Variants in HUS1B observed in about 807,000 individuals in gnomAD.
HUS1B encodes the protein checkpoint protein HUS1B.
For missense variants in HUS1B, 475 were observed against 390.4 expected (o/e 1.22, Z -1.83); for synonymous variants, 207 against 176.2 (o/e 1.17, Z -1.38).
rs749051985 is a variant in HUS1B, at chr6:656,982, G to C, written c.-38C>G. Reference sequence around the variant, plus strand: ...AAGGCAGCTGGGGGCCTCTGAGGGGGATTCCGCGTGCCACAAGCCCTTCCG... The same window carrying C: ...AAGGCAGCTGGGGGCCTCTGAGGGGCATTCCGCGTGCCACAAGCCCTTCCG... On this transcript the variant is annotated 5_prime_UTR_variant, in exon 1 of 1. In the 5' UTR this introduces an upstream ATG that the reference lacks. Coordinates refer to ENST00000380907, the MANE Select transcript of HUS1B (RefSeq NM_148959.4). The C allele has an allele frequency of 4.8e-6, 7 of 1,470,138 alleles. No individual in the cohort carries two copies. The highest frequency in any genetic ancestry group is 6.4e-6 in the Non-Finnish European group (7 of 1,096,434). 91.1% of individuals were successfully genotyped at this position (1,470,138 alleles called of 1,614,324 possible).
In HUS1B at chr6:656,289, T is replaced by C; in HGVS notation, c.656A>G (p.Glu219Gly). ...CACCATGCTCTCCAGGTCTCTGTTTTCAGGCACACCCACAGCCGACTGGGG... is the reference window on the plus strand; with the variant it reads ...CACCATGCTCTCCAGGTCTCTGTTTCCAGGCACACCCACAGCCGACTGGGG... ...NPPQSAVGVPENRDLESMVQV... is the reference protein window; with the variant it reads ...NPPQSAVGVPGNRDLESMVQV... Residue 219 changes from glutamate to glycine, a missense_variant, in exon 1 of 1, where the codon GAA (glutamate) becomes GGA (glycine). By Grantham distance (98) the Glu-to-Gly change is moderately conservative. Transcript: ENST00000380907. 2 of 1,614,230 alleles carry C rather than the reference T, an allele frequency of 1.2e-6. No individual in the cohort carries two copies. Among genetic ancestry groups the C allele is most frequent in the Non-Finnish European group, 1.7e-6 (2 of 1,180,042 alleles).
At position 656,892 on chromosome 6, in the gene HUS1B, T is replaced by A. The variant is rs201311004; in HGVS notation, c.53A>T (p.His18Leu). The change falls in exon 1 of 1, where the codon CAC (histidine) becomes CTC (leucine). Residue 18 changes from histidine (H) to leucine (L), a missense_variant. His to Leu is a moderately conservative substitution (Grantham distance 99). Transcript: ENST00000380907. ...TAGCCTCGCGACGGTGCCGCTGACG[T>A]GAATGAACAGCTCTAGACAGCCTTT... ...TGKGCLELFIHVSGTVARLAK... is the reference protein window; with the variant it reads ...TGKGCLELFILVSGTVARLAK... 2.8e-5 allele frequency: 45 copies of A among 1,596,518 alleles called. No individual in the cohort carries two copies. In the African/African-American group the frequency reaches 5.9e-4, roughly 21 times the overall value.
rs1286410339 is a variant in HUS1B at position 656,708 on chromosome 6, G to A, written c.237C>T (p.His79=). The A allele has an allele frequency of 1.9e-6, 3 of 1,603,484 alleles. No homozygotes were observed. The highest frequency in any genetic ancestry group is 2.2e-5 in the South Asian group (2 of 89,970). Residue 79 remains histidine (H), a synonymous_variant, in exon 1 of 1, where the codon CAC becomes CAT. Transcript: ENST00000380907. ...EGVSEDLDEI[H]LELTAEHLSR... is the part of the protein sequence containing the mutation. ...ACAGGTGCTCCGCCGTCAGCTCCAG[G>A]TGGATCTCATCGAGATCTTCCGAGA... is the stretch of plus-strand genomic sequence containing the variant.
rs1438331665 is a variant in HUS1B at position 656,860 on chromosome 6, C to A, written c.85G>T (p.Val29Phe). The A allele has an allele frequency of 6.2e-7, 1 of 1,608,952 alleles. No individual in the cohort carries two copies. The highest frequency in any genetic ancestry group is 1.7e-5 in the Admixed American group (1 of 59,780). Residue 29 changes from valine (V) to phenylalanine (F), a missense_variant, in exon 1 of 1, where the codon GTC becomes TTC. Physicochemically the swap from Val to Phe is conservative, Grantham distance 50 (BLOSUM62 -1). Transcript: ENST00000380907. ...VSGTVARLAK[V>F]CVLRVRPDSL... ...TCAGGGCGCACGCGGAGCACGCAGA[C>A]CTTCGCTAGCCTCGCGACGGTGCCG... is the stretch of plus-strand genomic sequence containing the variant.
rs767205613 is a variant in HUS1B at position 656,660 on chromosome 6, C to T, written c.285G>A (p.Ala95=). The T allele has an allele frequency of 1.9e-6, 3 of 1,607,184 alleles. No homozygotes were observed. Among genetic ancestry groups the T allele is most frequent in the South Asian group, 1.1e-5 (1 of 90,364 alleles). The change falls in exon 1 of 1, where the codon GCG becomes GCA. Residue 95 remains alanine (A), a synonymous_variant. Coordinates refer to ENST00000380907, the MANE Select transcript of HUS1B (RefSeq NM_148959.4). The part of the protein sequence containing the change: ...EHLSRAARSA[A]GASSLKLQLT... ...GCTGCAGCTTCAGGGAGGACGCGCC[C>T]GCTGCGCTTCTCGCCGCCCGGGACA...
Position 656,061 on chromosome 6 carries a change from T to C in HUS1B, c.*47A>G. On this transcript the variant is annotated 3_prime_UTR_variant, in exon 1 of 1. Coordinates refer to ENST00000380907, the MANE Select transcript of HUS1B (RefSeq NM_148959.4). Reference sequence around the variant, plus strand: ...AATTAACTCAGGGTCTGTTTTAGTTTTGAAAAGATCAAAACCTTAAAAAAA... The same window carrying C: ...AATTAACTCAGGGTCTGTTTTAGTTCTGAAAAGATCAAAACCTTAAAAAAA... 1.4e-6 allele frequency: 2 copies of C among 1,427,572 alleles called. No individual in the cohort carries two copies. The allele number at this position is 1,427,572 out of a possible 1,614,324, so 88.4% of individuals were successfully genotyped here.
In HUS1B at chr6:656,341, T is replaced by G; in HGVS notation, c.604A>C (p.Ser202Arg). The G allele has an allele frequency of 1.2e-6, 2 of 1,614,196 alleles. No individual in the cohort carries two copies. Among genetic ancestry groups the G allele is most frequent in the Non-Finnish European group, 1.7e-6 (2 of 1,180,030 alleles). The change falls in exon 1 of 1, where the codon AGT becomes CGT. Residue 202 changes from serine to arginine, a missense_variant. By Grantham distance (110) the Ser-to-Arg change is moderately radical. Transcript: ENST00000380907. ...SIETEVVSIQ[S>R]YFKNLGNPPQ... ...GGGTTTCCAAGATTTTTAAAATAAC[T>G]TTGAATGGACACCACCTCCGTCTCT...
chr6:656,756 G>A lies in HUS1B; in HGVS notation c.189C>T (p.Phe63=). The change falls in exon 1 of 1, where the codon TTC becomes TTT. Residue 63 remains phenylalanine, a synonymous_variant. Transcript: ENST00000380907. ...RLWCEVRQGA[F]QQFRMEGVSE... Reference sequence around the variant, plus strand: ...AGACACCTTCCATGCGAAACTGCTGGAAGGCCCCCTGCCGCACCTCGCACC... The same window carrying A: ...AGACACCTTCCATGCGAAACTGCTGAAAGGCCCCCTGCCGCACCTCGCACC... 6.3e-7 allele frequency: 1 copy of A among 1,589,918 alleles called. No individual in the cohort carries two copies. Among genetic ancestry groups the A allele is most frequent in the Non-Finnish European group, 8.6e-7 (1 of 1,165,596 alleles).
chr6:656,770 G>C lies in HUS1B; in HGVS notation c.175C>G (p.Arg59Gly), dbSNP rs867882133. 6.3e-7 allele frequency: 1 copy of C among 1,592,518 alleles called. No homozygotes were observed. The highest frequency in any genetic ancestry group is 2.3e-5 in the East Asian group (1 of 44,024). The change falls in exon 1 of 1, where the codon CGG becomes GGG. Residue 59 changes from arginine (R) to glycine (G), a missense_variant. Physicochemically the swap from Arg to Gly is moderately radical, Grantham distance 125. Transcript: ENST00000380907. ...LHEARLWCEV[R>G]QGAFQQFRME... Reference sequence around the variant, plus strand: ...CGAAACTGCTGGAAGGCCCCCTGCCGCACCTCGCACCACAGCCTGGCCTCG... The same window carrying C: ...CGAAACTGCTGGAAGGCCCCCTGCCCCACCTCGCACCACAGCCTGGCCTCG...
chr6:656,845 C>A lies in HUS1B; in HGVS notation c.100G>T (p.Val34Leu), dbSNP rs753225884. ...CCGAAGCACAGGCTGTCAGGGCGCA[C>A]GCGGAGCACGCAGACCTTCGCTAGC... ...ARLAKVCVLR[V>L]RPDSLCFGPA... is the part of the protein sequence containing the mutation. The change falls in exon 1 of 1, where the codon GTG (valine) becomes TTG (leucine). Residue 34 changes from valine to leucine, a missense_variant. Physicochemically the swap from Val to Leu is conservative, Grantham distance 32. Transcript: ENST00000380907. The A allele has an allele frequency of 1.2e-6, 2 of 1,610,574 alleles. No homozygotes were observed.
chr6:656,166 A>C lies in HUS1B; in HGVS notation c.779T>G (p.Leu260Arg). The C allele has an allele frequency of 1.2e-6, 2 of 1,614,144 alleles. No individual in the cohort carries two copies. Among genetic ancestry groups the C allele is most frequent in the African/African-American group, 1.3e-5 (1 of 75,046 alleles). ...ATCTTCTTGAACCAAAACAAGCTGA[A>C]GAAGAGTATTGTCCCAAATATTGCA... ...ALCNIWDNTL[L>R]QLVLVQEDVS... Residue 260 changes from leucine (L) to arginine (R), a missense_variant, in exon 1 of 1, where the codon CTT becomes CGT. Leu to Arg is a moderately radical substitution (Grantham distance 102). Coordinates refer to ENST00000380907, the MANE Select transcript of HUS1B (RefSeq NM_148959.4).
Position 656,032 on chromosome 6 carries a change from A to T in HUS1B, c.*76T>A. The stretch of plus-strand genomic sequence containing the variant: ...AAGTCAGTGAAGGTCCAAATTTTCA[A>T]CCCAATTAACTCAGGGTCTGTTTTA... On this transcript the variant is annotated 3_prime_UTR_variant, in exon 1 of 1. Coordinates refer to ENST00000380907, the MANE Select transcript of HUS1B (RefSeq NM_148959.4). The T allele has an allele frequency of 8.9e-7, 1 of 1,120,656 alleles. No homozygotes were observed. Among genetic ancestry groups the T allele is most frequent in the Non-Finnish European group, 1.3e-6 (1 of 769,184 alleles). The allele number at this position is 1,120,656 out of a possible 1,614,324, so 69.4% of individuals were successfully genotyped here.
rs372893836 is a variant in HUS1B, at chr6:656,517, C to T, written c.428G>A (p.Arg143Gln). The change falls in exon 1 of 1, where the codon CGG becomes CAG. Residue 143 changes from arginine to glutamine, a missense_variant. Transcript: ENST00000380907. ...PVRVLPRRVWRDCLPPSLRAS... is the reference protein window; with the variant it reads ...PVRVLPRRVWQDCLPPSLRAS... Reference sequence around the variant, plus strand: ...GCGCAGGCTGGGCGGCAGGCAGTCCCGCCACACTCTCCTGGGAAGCACCCG... The same window carrying T: ...GCGCAGGCTGGGCGGCAGGCAGTCCTGCCACACTCTCCTGGGAAGCACCCG... 8 of 1,605,522 alleles carry T rather than the reference C, an allele frequency of 5.0e-6. No individual in the cohort carries two copies. Among genetic ancestry groups the T allele is most frequent in the Non-Finnish European group, 5.9e-6 (7 of 1,177,986 alleles).
At position 656,363 on chromosome 6, in the gene HUS1B, C is replaced by T. The variant is rs1306851498; in HGVS notation, c.582G>A (p.Glu194=). 1 of 1,614,214 alleles carries T rather than the reference C, an allele frequency of 6.2e-7. No individual in the cohort carries two copies. Among genetic ancestry groups the T allele is most frequent in the Non-Finnish European group, 8.5e-7 (1 of 1,180,032 alleles). Residue 194 remains glutamate (E), a synonymous_variant, in exon 1 of 1, where the codon GAG becomes GAA. Coordinates refer to ENST00000380907, the MANE Select transcript of HUS1B (RefSeq NM_148959.4). ...AACTTTGAATGGACACCACCTCCGTCTCTATACTCAGGGTCATCCTGCCAC... is the reference window on the plus strand; with the variant it reads ...AACTTTGAATGGACACCACCTCCGTTTCTATACTCAGGGTCATCCTGCCAC... ...NLSGRMTLSI[E]TEVVSIQSYF...
chr6:656,770 G>A lies in HUS1B; in HGVS notation c.175C>T (p.Arg59Trp), dbSNP rs867882133. ...LHEARLWCEV[R>W]QGAFQQFRME... ...CGAAACTGCTGGAAGGCCCCCTGCC[G>A]CACCTCGCACCACAGCCTGGCCTCG... The change falls in exon 1 of 1, where the codon CGG (arginine) becomes TGG (tryptophan). Residue 59 changes from arginine to tryptophan, a missense_variant. By Grantham distance (101) the Arg-to-Trp change is moderately radical (BLOSUM62 -3). Transcript: ENST00000380907. The A allele has an allele frequency of 3.1e-6, 5 of 1,592,518 alleles. No homozygotes were observed. Among genetic ancestry groups the A allele is most frequent in the Admixed American group, 1.7e-5 (1 of 57,706 alleles).
rs910384721 is a variant in HUS1B, at chr6:656,574, C to G, written c.371G>C (p.Arg124Pro). The G allele has an allele frequency of 6.3e-7, 1 of 1,591,410 alleles. No individual in the cohort carries two copies. The highest frequency in any genetic ancestry group is 1.1e-5 in the South Asian group (1 of 88,372). ...VAVELVSSLGRARSVVHDLPV... is the reference protein window; with the variant it reads ...VAVELVSSLGPARSVVHDLPV... ...CAGATCGTGCACCACGCTGCGAGCG[C>G]GGCCCAGGGACGAGACCAGCTCCAC... The change falls in exon 1 of 1, where the codon CGC becomes CCC. Residue 124 changes from arginine (R) to proline (P), a missense_variant. Transcript: ENST00000380907.
In HUS1B at chr6:656,954, G is replaced by T; in HGVS notation, c.-10C>A. The T allele has an allele frequency of 1.3e-6, 2 of 1,510,986 alleles. No individual in the cohort carries two copies. The highest frequency in any genetic ancestry group is 2.6e-5 in the South Asian group (2 of 75,726). The allele number at this position is 1,510,986 out of a possible 1,614,324, so 93.6% of individuals were successfully genotyped here. On this transcript the variant is annotated 5_prime_UTR_variant, in exon 1 of 1. In the 5' UTR this introduces an upstream ATG that the reference lacks. Transcript: ENST00000380907. ...TGGCGCGAAACTTCATGATGCCACA[G>T]GGAAGGCAGCTGGGGGCCTCTGAGG...
chr6:656,707 G>A lies in HUS1B; in HGVS notation c.238C>T (p.Leu80=). 1 of 1,603,648 alleles carries A rather than the reference G, an allele frequency of 6.2e-7. No homozygotes were observed. The highest frequency in any genetic ancestry group is 8.5e-7 in the Non-Finnish European group (1 of 1,174,642). ...GVSEDLDEIH[L]ELTAEHLSRA... ...GACAGGTGCTCCGCCGTCAGCTCCAGGTGGATCTCATCGAGATCTTCCGAG... is the reference window on the plus strand; with the variant it reads ...GACAGGTGCTCCGCCGTCAGCTCCAAGTGGATCTCATCGAGATCTTCCGAG... Residue 80 remains leucine, a synonymous_variant, in exon 1 of 1, where the codon CTG becomes TTG. Transcript: ENST00000380907.
At position 657,042 on chromosome 6, in the gene HUS1B, C is replaced by T. The variant is rs1581641983; in HGVS notation, c.-98G>A. The stretch of plus-strand genomic sequence containing the variant: ...GGTCCGTGGCGCTGCCCTCCCCGCC[C>T]TCCCTCCGGCCCCCCAGCTAGGCAG... On this transcript the variant is annotated 5_prime_UTR_variant, in exon 1 of 1. Coordinates refer to ENST00000380907, the MANE Select transcript of HUS1B (RefSeq NM_148959.4). 9.7e-7 allele frequency: 1 copy of T among 1,028,286 alleles called. No homozygotes were observed. Among genetic ancestry groups the T allele is most frequent in the Non-Finnish European group, 1.4e-6 (1 of 729,796 alleles). The allele number at this position is 1,028,286 out of a possible 1,614,324, so 63.7% of individuals were successfully genotyped here.
Sources: gnomAD v4.1 joint callset for allele counts on GRCh38, gnomAD v4.1.1 for gene constraint, MANE v1.5 for transcripts, NCBI Gene and HGNC (gene_info 2026-07-23, HGNC 2026-07-21) for gene names.